The following MAP2 variants were observed in gnomAD, a reference collection of about 807,000 sequenced individuals.
The protein encoded by MAP2 is microtubule-associated protein 2.
A neutral mutation model predicts 137.6 loss-of-function variants in MAP2; 14 were observed. That is an observed-to-expected ratio of 0.10 (90% confidence interval 0.07 to 0.16). The LOEUF is 0.16. MAP2 is among the 10% of genes least tolerant of loss of function. The probability of loss-of-function intolerance (pLI) is 1.00; values close to 1 mark genes in which losing one functional copy is unlikely to be tolerated. For synonymous variants in MAP2, 786 were observed against 782.3 expected (o/e 1.00, Z -0.08); for missense variants, 2,088 against 2,191.5 (o/e 0.95, Z 0.94).
rs1231827394 is a variant in MAP2 at position 209,540,095 on chromosome 2, T to C, written c.-172+32454T>C. Among the ~76,000 whole-genome samples, 26 of 91,394 alleles carry C rather than the reference T, an allele frequency of 2.8e-4. No homozygotes were observed. In the Admixed American group the frequency reaches 3.0e-3, roughly 11 times the overall value. The allele number at this position is 91,394 out of a possible 152,430, so 60.0% of individuals were successfully genotyped here. On this transcript the variant is annotated intron_variant, in intron 2 of 15. Transcript: ENST00000682079. ...GAGACTGGGTGACAGAGGGAGACGT[T>C]GTAAAAAAAAAAAAAAAAAAAAAAA... is the stretch of plus-strand genomic sequence containing the variant.
intron 7 of MAP2, among the ~76,000 whole-genome samples, chr2:209,683,513 G>C (rs141052896): frequency 0.013 from 2,017 of 151,974 alleles, 131 homozygotes; most frequent in Admixed American, 0.1. Flanking sequence ...TCTCTTTTAT[G>C]TTAAGCCACA....
intron 1 of MAP2, among the ~76,000 whole-genome samples, chr2:209,434,866 T>C (rs1451405295): frequency 2.1e-5 from 2 of 96,762 alleles, no homozygotes; most frequent in African/African-American, 7.1e-5. Flanking sequence ...ATATATGTTA[T>C]ATATATGTTA....
intron 2 of MAP2, among the ~76,000 whole-genome samples, chr2:209,554,699 G>T (rs1307601547): frequency 1.3e-5 from 2 of 151,830 alleles, no homozygotes; most frequent in Non-Finnish European, 2.9e-5. Flanking sequence ...GCAGTGAGCT[G>T]TGCCTGAATT....
chr2:209,686,721 A>G (rs1482522892), intron 7 of MAP2, among the ~76,000 whole-genome samples: 2 of 152,190 alleles, frequency 1.3e-5, no homozygotes, highest in Non-Finnish European at 2.9e-5. Flanking sequence ...AAATAATGCA[A>G]ATTTCCTAGG....
At chr2:209,461,898 T>A (rs1373165004) in intron 1 of MAP2, among the ~76,000 whole-genome samples, 1 of 152,212 alleles carries the variant, frequency 6.6e-6, no homozygotes, top group East Asian at 1.9e-4. Context: ...TGAATTTCCC[T>A]TTTTCTTCTG....
intron 5 of MAP2, among the ~76,000 whole-genome samples, chr2:209,673,022 A>G (rs974684865): frequency 1.3e-5 from 2 of 151,814 alleles, no homozygotes; most frequent in Admixed American, 1.3e-4. Flanking sequence ...TCTCTTTTCT[A>G]AATACTGACC....
At chr2:209,607,425 A>ATTTG (rs1262139420) in intron 3 of MAP2, among the ~76,000 whole-genome samples, 1 of 151,996 alleles carries the variant, frequency 6.6e-6, no homozygotes, top group Non-Finnish European at 1.5e-5. Context: ...TTAATGTTTC[A>ATTTG]TTTGTTTGTT....
chr2:209,645,885 A>T (rs1024919540), intron 4 of MAP2, among the ~76,000 whole-genome samples: 1 of 152,224 alleles, frequency 6.6e-6, no homozygotes, highest in Non-Finnish European at 1.5e-5. Flanking sequence ...TAGTCTAATT[A>T]TCAGAAATAT....
intron 1 of MAP2, among the ~76,000 whole-genome samples, chr2:209,494,661 A>G (rs573160683): frequency 6.6e-6 from 1 of 152,338 alleles, no homozygotes; most frequent in South Asian, 2.1e-4. Context: ...AACAGCCCTC[A>G]GGGCTGCTAT....
intron 2 of MAP2, among the ~76,000 whole-genome samples, chr2:209,513,259 C>A (rs1396282675): frequency 6.6e-6 from 1 of 152,138 alleles, no homozygotes; most frequent in Non-Finnish European, 1.5e-5. Context: ...CTATATTTCT[C>A]TTCCAACTTG....
At chr2:209,680,904 C>T in intron 7 of MAP2, 77 bp downstream of exon 7, 1 of 1,235,280 alleles carries the variant, frequency 8.1e-7, no homozygotes, top group Non-Finnish European at 1.2e-6. Context: ...AAGCTCTGGA[C>T]TTTGGTATTG....
chr2:209,546,709 G>T (rs2068142656), intron 2 of MAP2, among the ~76,000 whole-genome samples: 1 of 152,162 alleles, frequency 6.6e-6, no homozygotes, highest in Non-Finnish European at 1.5e-5. Flanking sequence ...AAATTTGTTT[G>T]ATTCTCAAAA....
At position 209,689,227 on chromosome 2, in the gene MAP2, T is replaced by C. The variant is rs529510698; in HGVS notation, c.455-3398T>C. 3.5e-4 allele frequency among the ~76,000 whole-genome samples: 53 copies of C among 152,080 alleles called. 1 individual carries two copies. The highest frequency in any genetic ancestry group is 6.5e-4 in the Non-Finnish European group (44 of 67,986). ...CAAGTTAGAATTTAAATTTTTAAAA[T>C]GCTACTTAAAATGCCATAATTAAAT... On this transcript the variant is annotated intron_variant, in intron 7 of 15. Coordinates refer to ENST00000682079, the MANE Select transcript of MAP2 (RefSeq NM_001375505.1).
At chr2:209,483,455 A>T (rs1046291097) in intron 1 of MAP2, among the ~76,000 whole-genome samples, 5 of 152,174 alleles carry the variant, frequency 3.3e-5, no homozygotes, top group African/African-American at 1.2e-4. Context: ...GTGCCTGTAG[A>T]CCCAGCTAGT....
At chr2:209,458,160 T>C (rs1701982848) in intron 1 of MAP2, among the ~76,000 whole-genome samples, 1 of 152,150 alleles carries the variant, frequency 6.6e-6, no homozygotes, top group African/African-American at 2.4e-5. Context: ...TGTAAAAGGC[T>C]TGGCTATACT....
At chr2:209,680,899 C>T in intron 7 of MAP2, 72 bp downstream of exon 7, 1 of 1,322,466 alleles carries the variant, frequency 7.6e-7, no homozygotes, top group Non-Finnish European at 1.1e-6. Flanking sequence ...TCAATAAGCT[C>T]TGGACTTTGG....
At chr2:209,441,601 A>G (rs565500652) in intron 1 of MAP2, among the ~76,000 whole-genome samples, 30 of 151,614 alleles carry the variant, frequency 2.0e-4, no homozygotes, top group Middle Eastern at 3.2e-3. Context: ...AATGAGAGCC[A>G]TTCCTTTTAA....
chr2:209,682,708 A>G (rs993158573), intron 7 of MAP2, among the ~76,000 whole-genome samples: 11 of 152,070 alleles, frequency 7.2e-5, no homozygotes, highest in Non-Finnish European at 1.0e-4. Flanking sequence ...AGATAGAAAA[A>G]AGCACAAGGG....
intron 2 of MAP2, among the ~76,000 whole-genome samples, chr2:209,527,247 A>G (rs2064204888): frequency 6.6e-6 from 1 of 152,068 alleles, no homozygotes; most frequent in Admixed American, 6.6e-5. Context: ...TCTCCATAGC[A>G]TTTCTATATT....
Sources: gnomAD v4.1 joint callset for allele counts (sites outside exome capture counted in the v4.1 genomes callset) on GRCh38, gnomAD v4.1.1 for gene constraint, MANE v1.5 for transcripts, NCBI Gene and HGNC (gene_info 2026-07-23, HGNC 2026-07-21) for gene names.